The following VTCN1 variants were observed in gnomAD, a reference collection of about 807,000 sequenced individuals.
The protein encoded by VTCN1 is V-set domain containing T cell activation inhibitor 1, also known as V-set domain-containing T-cell activation inhibitor 1.
In VTCN1, 26 loss-of-function variants were observed where a neutral mutation model predicts 26.5. That is an observed-to-expected ratio of 0.98 (90% CI 0.72 to 1.36). VTCN1 has a LOEUF of 1.36. Among genes scored for constraint, VTCN1 ranks in the 40% most tolerant of loss-of-function variants. The pLI is 0.00. For missense variants in VTCN1, 298 were observed against 337.7 expected (o/e 0.88, Z 0.92); for synonymous variants, 116 against 130.7 (o/e 0.89, Z 0.77).
chr1:117,147,933 T>C lies in VTCN1; in HGVS notation c.725-151A>G. 9.9e-7 allele frequency: 1 copy of C among 1,006,686 alleles called. No homozygotes were observed. The highest frequency in any genetic ancestry group is 2.7e-5 in the Admixed American group (1 of 37,210). 62.4% of individuals were successfully genotyped at this position (1,006,686 alleles called of 1,614,324 possible). A position where few individuals can be genotyped will look rare whatever the true frequency, so the allele number is the denominator to read the frequency against. ...ACCCCTTTGCCCACCTCTCCGTAAC[T>C]GGCTTAAAAGTAGAGCTTTCTCTTT... On this transcript the variant is annotated intron_variant, in intron 4 of 5. Coordinates refer to ENST00000369458, the MANE Select transcript of VTCN1 (RefSeq NM_024626.4). The surrounding 1 kb of genome is among the most constrained non-coding windows in gnomAD (Gnocchi z 4.6).
chr1:117,152,499 G>C (rs1462594183), intron 4 of VTCN1, among the ~76,000 whole-genome samples: 1 of 152,162 alleles, frequency 6.6e-6, no homozygotes, highest in Admixed American at 6.5e-5. Flanking sequence ...AGGGAGACTA[G>C]GGTGCTGGGT....
intron 1 of VTCN1, among the ~76,000 whole-genome samples, chr1:117,208,065 A>G (rs1294582214): frequency 1.3e-5 from 2 of 152,150 alleles, no homozygotes; most frequent in East Asian, 3.9e-4. Context: ...AAAGTTGGAC[A>G]CCAATATGGC....
intron 1 of VTCN1, among the ~76,000 whole-genome samples, chr1:117,208,889 G>A (rs565994944): frequency 2.0e-5 from 3 of 152,250 alleles, no homozygotes; most frequent in Admixed American, 1.3e-4. Flanking sequence ...TTTCATGAGC[G>A]TTCCAACATC....
In VTCN1 at chr1:117,198,592, A is replaced by G. The variant is rs145328444; in HGVS notation, c.32+12232T>C. 2.0e-4 allele frequency among the ~76,000 whole-genome samples: 31 copies of G among 152,320 alleles called. No individual in the cohort carries two copies. The East Asian group carries it at 5.8e-3, about 28-fold the overall frequency. ...CATCCACATTCTCTGTAGAGGCATAAGCAACCCAGGGCTGCATCGCCTCCT... is the reference window on the plus strand; with the variant it reads ...CATCCACATTCTCTGTAGAGGCATAGGCAACCCAGGGCTGCATCGCCTCCT... On this transcript the variant is annotated intron_variant, in intron 1 of 5. Coordinates refer to ENST00000369458, the MANE Select transcript of VTCN1 (RefSeq NM_024626.4).
intron 3 of VTCN1, 111 bp from the exon 4 acceptor site, chr1:117,153,480 T>A (rs936514347): frequency 1.5e-4 from 172 of 1,146,650 alleles, no homozygotes; most frequent in Admixed American, 2.3e-4. Flanking sequence ...TTTTTTTTTT[T>A]ATCATTGAAG....
At chr1:117,163,472 A>G (rs1352945331) in intron 2 of VTCN1, among the ~76,000 whole-genome samples, 1 of 152,246 alleles carries the variant, frequency 6.6e-6, no homozygotes, top group Non-Finnish European at 1.5e-5. Context: ...AACCATTATT[A>G]ACTACAATCA....
At chr1:117,194,988 G>A (rs905478591) in intron 1 of VTCN1, among the ~76,000 whole-genome samples, 8 of 151,994 alleles carry the variant, frequency 5.3e-5, no homozygotes, top group Non-Finnish European at 7.4e-5. Context: ...TTTGTAGGCC[G>A]GGCACGGTGG....
chr1:117,178,648 C>T (rs1647512083), intron 1 of VTCN1, among the ~76,000 whole-genome samples: 1 of 132,018 alleles, frequency 7.6e-6, no homozygotes, highest in Non-Finnish European at 1.5e-5. Context: ...GACTGCAGTG[C>T]AGTTGCACAG....
At position 117,147,676 on chromosome 1, in the gene VTCN1, A is replaced by G; in HGVS notation, c.831T>C (p.Pro277=). The part of the protein sequence containing the change: ...AISWALLPLS[P]YLMLK ...AGGCACATTATTTTAGCATCAGGTA[A>G]GGGCTGAGAGGCAGAAGTGCCCAGC... Residue 277 remains proline, a synonymous_variant, in exon 5 of 6, where the codon CCT becomes CCC. Transcript: ENST00000369458. The surrounding 1 kb of genome is among the most constrained non-coding windows in gnomAD (Gnocchi z 4.6). 6.2e-7 allele frequency: 1 copy of G among 1,613,860 alleles called. No homozygotes were observed. Among genetic ancestry groups the G allele is most frequent in the Non-Finnish European group, 8.5e-7 (1 of 1,179,884 alleles).
intron 1 of VTCN1, among the ~76,000 whole-genome samples, chr1:117,205,406 G>A (rs1449556037): frequency 2.6e-5 from 4 of 151,982 alleles, no homozygotes; most frequent in African/African-American, 4.8e-5. Context: ...CAAGTGATCC[G>A]CCTGCCTCAG....
chr1:117,153,281 T>C lies in VTCN1; in HGVS notation c.534A>G (p.Thr178=), dbSNP rs1276291085. 6.2e-7 allele frequency: 1 copy of C among 1,613,976 alleles called. No homozygotes were observed. Among genetic ancestry groups the C allele is most frequent in the Non-Finnish European group, 8.5e-7 (1 of 1,180,010 alleles). ...GGTCAACTTGGGATGCCCAGACCAC[T>C]GTGGGCTGGGGGAACCATCGGGGAG... ...CEAPRWFPQP[T]VVWASQVDQG... The change falls in exon 4 of 6, where the codon ACA becomes ACG. Residue 178 remains threonine (T), a synonymous_variant. Coordinates refer to ENST00000369458, the MANE Select transcript of VTCN1 (RefSeq NM_024626.4).
At chr1:117,193,084 T>C (rs1235473176) in intron 1 of VTCN1, among the ~76,000 whole-genome samples, 2 of 152,176 alleles carry the variant, frequency 1.3e-5, no homozygotes, top group Non-Finnish European at 2.9e-5. Context: ...TTAAGTAATC[T>C]AGAGATGATT....
chr1:117,188,384 G>A (rs1315410588), intron 1 of VTCN1, among the ~76,000 whole-genome samples: 1 of 152,104 alleles, frequency 6.6e-6, no homozygotes, highest in African/African-American at 2.4e-5. Context: ...ACCGGGAGAG[G>A]GAACTGAGCA....
chr1:117,205,144 T>TTATATATA (rs144891643), intron 1 of VTCN1, among the ~76,000 whole-genome samples: 80 of 134,732 alleles, frequency 5.9e-4, no homozygotes, highest in Non-Finnish European at 9.4e-4. Context: ...ATATATATTT[T>TTATATATA]TATATATATA....
At chr1:117,182,854 C>CTA (rs780286773) in intron 1 of VTCN1, among the ~76,000 whole-genome samples, 1 of 152,138 alleles carries the variant, frequency 6.6e-6, no homozygotes. Context: ...CAACCTGATG[C>CTA]TATGTGCTGT....
At position 117,147,633 on chromosome 1, in the gene VTCN1, C is replaced by CATGCT. The variant is rs545279358; in HGVS notation, c.*20_*24dup. The CATGCT allele has an allele frequency of 1.4e-4, 219 of 1,609,718 alleles. 1 individual carries two copies. In the African/African-American group the frequency reaches 2.4e-3, roughly 18 times the overall value. On this transcript the variant is annotated 3_prime_UTR_variant, in exon 5 of 6. Transcript: ENST00000369458. The surrounding 1 kb of genome is among the most constrained non-coding windows in gnomAD (Gnocchi z 4.6). Reference sequence around the variant, plus strand: ...CTCACCTGTTGTAACAATGACTTTGCATGCTTTTTTGTGGCCGAGGCACAT... The same window carrying CATGCT: ...CTCACCTGTTGTAACAATGACTTTGCATGCTATGCTTTTTTGTGGCCGAGGCACAT...
At chr1:117,174,971 GCTTTCAGAGGCTGCAGAACCCAGAGC>G (rs1647258785) in intron 1 of VTCN1, among the ~76,000 whole-genome samples, 1 of 152,180 alleles carries the variant, frequency 6.6e-6, no homozygotes, top group Admixed American at 6.5e-5. Flanking sequence ...CTGGGAAGGT[GCTTTCAGAGGCTGCAGAACCCAGAGC>G]CTTCCAGGTG....
At chr1:117,154,911 T>G (rs981677077) in intron 3 of VTCN1, among the ~76,000 whole-genome samples, 1 of 152,188 alleles carries the variant, frequency 6.6e-6, no homozygotes, top group Non-Finnish European at 1.5e-5. Context: ...CTGATGTTCT[T>G]TTTCTGTTCC....
rs1055148840 is a variant in VTCN1, at chr1:117,146,936, CAG to C, written c.*45+675_*45+676del. Among the ~76,000 whole-genome samples, 9 of 151,982 alleles carry C rather than the reference CAG, an allele frequency of 5.9e-5. No homozygotes were observed. The highest frequency in any genetic ancestry group is 2.2e-4 in the African/African-American group (9 of 41,364). ...ATTAGGGTCAATCTGAGAGGCAACA[CAG>C]GGGAAAATGTGATAGGTAGGGGTTG... On this transcript the variant is annotated intron_variant, in intron 5 of 5. Coordinates refer to ENST00000369458, the MANE Select transcript of VTCN1 (RefSeq NM_024626.4). This position sits in a 1 kb window ranked among gnomAD's most constrained non-coding sequence, Gnocchi z 4.2.
Sources: allele counts gnomAD v4.1 joint callset (sites outside exome capture counted in the v4.1 genomes callset), GRCh38; gene constraint gnomAD v4.1.1; non-coding constraint Gnocchi (gnomAD v3.1); transcripts MANE v1.5; gene names NCBI Gene and HGNC (gene_info 2026-07-23, HGNC 2026-07-21).